The following ZFAND3 variants were observed in gnomAD, a reference collection of about 807,000 sequenced individuals.
The protein encoded by ZFAND3 is AN1-type zinc finger protein 3.
In ZFAND3, 10 loss-of-function variants were observed where a neutral mutation model predicts 29.6. That is an observed-to-expected ratio of 0.34 (90% CI 0.21 to 0.57). ZFAND3 has a LOEUF of 0.57. ZFAND3 is among the 20% of genes least tolerant of loss of function. ZFAND3 has a pLI of 0.86. For synonymous variants in ZFAND3, 128 were observed against 112.6 expected (o/e 1.14, Z -0.87); for missense variants, 230 against 304.5 (o/e 0.76, Z 1.82).
intron 1 of ZFAND3, among the ~76,000 whole-genome samples, chr6:37,908,966 A>G (rs1007665915): frequency 6.6e-6 from 1 of 152,150 alleles, no homozygotes; most frequent in Non-Finnish European, 1.5e-5. Flanking sequence ...TAAGTTGTGT[A>G]TTAGTTGAAG....
chr6:37,929,417 G>A (rs185257606), intron 1 of ZFAND3, among the ~76,000 whole-genome samples: 91 of 152,262 alleles, frequency 6.0e-4, no homozygotes, highest in African/African-American at 1.9e-3. Context: ...TTTGATTGGC[G>A]TATCTGAAGA....
At chr6:37,828,531 C>T (rs1763799113) in intron 1 of ZFAND3, among the ~76,000 whole-genome samples, 1 of 152,028 alleles carries the variant, frequency 6.6e-6, no homozygotes, top group African/African-American at 2.4e-5. Context: ...TATTAACTAG[C>T]AATAAATAAT....
rs1356634429 is a variant in ZFAND3 at position 38,116,574 on chromosome 6, T to C, written c.364T>C (p.Ser122Pro). 6.2e-7 allele frequency: 1 copy of C among 1,609,236 alleles called. No homozygotes were observed. The highest frequency in any genetic ancestry group is 1.1e-5 in the South Asian group (1 of 90,808). Residue 122 changes from serine to proline, a missense_variant and splice_region_variant, in exon 5 of 6, where the codon TCA becomes CCA. Ser to Pro is a moderately conservative substitution (Grantham distance 74). Around this residue, in one of 2 missense-constraint regions of ZFAND3, gnomAD observed 180 missense variants for 202.5 expected, o/e 0.89. Transcript: ENST00000287218. Reference protein sequence around the residue: ...TPTKRSCGTDSQSENEASPVK... With the variant: ...TPTKRSCGTDPQSENEASPVK... ...CCCAAATATGTTGTTTTGGTCAGATTCACAGTCTGAGAATGAGGCTTCACC... is the reference window on the plus strand; with the variant it reads ...CCCAAATATGTTGTTTTGGTCAGATCCACAGTCTGAGAATGAGGCTTCACC...
rs184345331 is a variant in ZFAND3, at chr6:37,996,884, G to C, written c.113-64709G>C. On this transcript the variant is annotated intron_variant, in intron 2 of 5. Transcript: ENST00000287218. Reference sequence around the variant, plus strand: ...CCATTGACCTAATTTATTCACATTTGCTCATCTTTTGGGATTGTTTTGGTT... The same window carrying C: ...CCATTGACCTAATTTATTCACATTTCCTCATCTTTTGGGATTGTTTTGGTT... Among the ~76,000 whole-genome samples the C allele has an allele frequency of 3.1e-3, 469 of 152,008 alleles. 3 individuals carry two copies. The highest frequency in any genetic ancestry group is 0.011 in the African/African-American group (446 of 41,456).
chr6:38,104,591 A>G (rs548780352), intron 4 of ZFAND3, among the ~76,000 whole-genome samples: 1 of 152,324 alleles, frequency 6.6e-6, no homozygotes, highest in South Asian at 2.1e-4. Flanking sequence ...GAAGATAATG[A>G]ATAAATTAAG....
At chr6:37,847,294 G>T (rs560684295) in intron 1 of ZFAND3, among the ~76,000 whole-genome samples, 1 of 151,924 alleles carries the variant, frequency 6.6e-6, no homozygotes, top group Non-Finnish European at 1.5e-5. Context: ...CTCATCAATC[G>T]GCCGGGTGTG....
intron 2 of ZFAND3, among the ~76,000 whole-genome samples, chr6:38,044,777 C>T (rs546908236): frequency 2.0e-5 from 3 of 152,156 alleles, no homozygotes; most frequent in East Asian, 1.9e-4. Flanking sequence ...GCTGTTTGTG[C>T]GGAAGATATT....
chr6:37,903,204 AT>A (rs777512126), intron 1 of ZFAND3, among the ~76,000 whole-genome samples: 93 of 152,332 alleles, frequency 6.1e-4, no homozygotes, highest in Non-Finnish European at 1.1e-3. Flanking sequence ...TATCAGAATT[AT>A]AATTACCTGT....
intron 2 of ZFAND3, among the ~76,000 whole-genome samples, chr6:38,044,744 T>C (rs540021663): frequency 6.6e-6 from 1 of 152,318 alleles, no homozygotes; most frequent in East Asian, 1.9e-4. Context: ...GGTAAATCAC[T>C]TTCATGAAAT....
At chr6:38,147,785 C>T (rs1766140726) in intron 5 of ZFAND3, among the ~76,000 whole-genome samples, 1 of 152,058 alleles carries the variant, frequency 6.6e-6, no homozygotes, top group East Asian at 1.9e-4. Flanking sequence ...TGATAATTGT[C>T]TATTCATGTC....
chr6:38,099,766 G>C (rs929439656), intron 4 of ZFAND3, among the ~76,000 whole-genome samples: 1 of 152,210 alleles, frequency 6.6e-6, no homozygotes, highest in African/African-American at 2.4e-5. Flanking sequence ...AGGTATATAT[G>C]TATTTACTTG....
At chr6:38,127,005 A>G (rs1394263052) in intron 5 of ZFAND3, among the ~76,000 whole-genome samples, 1 of 151,858 alleles carries the variant, frequency 6.6e-6, no homozygotes, top group Admixed American at 6.6e-5. Flanking sequence ...TTAACTTGTT[A>G]GCTCTCGATT....
At chr6:38,116,053 A>G (rs1193648870) in intron 4 of ZFAND3, among the ~76,000 whole-genome samples, 2 of 152,200 alleles carry the variant, frequency 1.3e-5, no homozygotes, top group Non-Finnish European at 2.9e-5. Flanking sequence ...GAGTAATTTT[A>G]CTATAAAAGA....
chr6:37,847,679 G>T (rs1447983634), intron 1 of ZFAND3, among the ~76,000 whole-genome samples: 2 of 152,038 alleles, frequency 1.3e-5, no homozygotes, highest in Non-Finnish European at 2.9e-5. Context: ...AGATACATAG[G>T]AAAGAAGTTA....
At chr6:38,123,778 G>A (rs899850624) in intron 5 of ZFAND3, among the ~76,000 whole-genome samples, 2 of 152,118 alleles carry the variant, frequency 1.3e-5, no homozygotes, top group African/African-American at 4.8e-5. Flanking sequence ...CTGATGTTCG[G>A]AGTTTCTTCC....
At chr6:38,080,128 G>T (rs1024595768) in intron 3 of ZFAND3, among the ~76,000 whole-genome samples, 5 of 151,610 alleles carry the variant, frequency 3.3e-5, no homozygotes, top group African/African-American at 9.7e-5. Flanking sequence ...GACACAGAGA[G>T]GGGAACATCA....
chr6:38,055,761 T>A (rs1342194879), intron 2 of ZFAND3, among the ~76,000 whole-genome samples: 1 of 152,226 alleles, frequency 6.6e-6, no homozygotes, highest in African/African-American at 2.4e-5. Flanking sequence ...TATTAAGCAC[T>A]TTATCTTTTA....
chr6:37,993,298 TA>T (rs1054112197), intron 2 of ZFAND3, among the ~76,000 whole-genome samples: 6 of 152,002 alleles, frequency 3.9e-5, no homozygotes, highest in African/African-American at 7.2e-5. Flanking sequence ...TGTTCGCCTT[TA>T]AAAAATGATT....
chr6:37,890,937 T>C lies in ZFAND3; in HGVS notation c.72-39022T>C, dbSNP rs140163160. Among the ~76,000 whole-genome samples, 263 of 152,336 alleles carry C rather than the reference T, an allele frequency of 1.7e-3. 1 individual carries two copies. The highest frequency in any genetic ancestry group is 6.1e-3 in the African/African-American group (252 of 41,576). Reference sequence around the variant, plus strand: ...GCAGCTCCAAACACACTAATCTCTTTACAGAAACATCGGAAGATGAGCAGA... The same window carrying C: ...GCAGCTCCAAACACACTAATCTCTTCACAGAAACATCGGAAGATGAGCAGA... On this transcript the variant is annotated intron_variant, in intron 1 of 5. Coordinates refer to ENST00000287218, the MANE Select transcript of ZFAND3 (RefSeq NM_021943.3).
Sources: allele counts gnomAD v4.1 joint callset (sites outside exome capture counted in the v4.1 genomes callset), GRCh38; gene constraint gnomAD v4.1.1; regional missense constraint gnomAD v4.1.1; transcripts MANE v1.5; gene names NCBI Gene and HGNC (gene_info 2026-07-23, HGNC 2026-07-21).